Variants in DLC1 observed in about 807,000 individuals in gnomAD.
The protein encoded by DLC1 is DLC1 Rho GTPase activating protein, also known as rho GTPase-activating protein 7.
DLC1 carries 54 observed loss-of-function variants against 140.3 expected under a neutral mutation model. The ratio of observed to expected loss-of-function variants is 0.38; its 90% CI spans 0.31 to 0.48. The LOEUF (loss-of-function observed/expected upper bound fraction) is 0.48. DLC1 is among the 20% of genes least tolerant of loss of function. The pLI, the probability that DLC1 is intolerant of heterozygous loss-of-function variation, is 0.96. For missense variants in DLC1, 2,536 were observed against 1,907.0 expected, an observed-to-expected ratio of 1.33 and a Z score of -6.14; for synonymous variants, 986 against 728.1, an observed-to-expected ratio of 1.35 and a Z score of -5.70.
intron 2 of DLC1, among the ~76,000 whole-genome samples, chr8:13,448,090 A>C (rs1041599073): frequency 6.6e-6 from 1 of 152,188 alleles, no homozygotes. Flanking sequence ...TTTTGAGTGT[A>C]CTATAACTCA....
At chr8:13,585,990 T>C (rs1003011368) in intron 1 of DLC1, among the ~76,000 whole-genome samples, 3 of 152,162 alleles carry the variant, frequency 2.0e-5, no homozygotes, top group Admixed American at 2.0e-4. Flanking sequence ...TTTAGTGAAA[T>C]CATTGTAGAG....
intron 5 of DLC1, among the ~76,000 whole-genome samples, chr8:13,179,415 T>C (rs1243005160): frequency 2.0e-5 from 3 of 152,118 alleles, no homozygotes; most frequent in Non-Finnish European, 4.4e-5. Context: ...GCACTGTATA[T>C]ATATTTTTTA....
intron 4 of DLC1, among the ~76,000 whole-genome samples, chr8:13,309,890 G>A (rs893499139): frequency 1.3e-5 from 2 of 152,130 alleles, no homozygotes; most frequent in East Asian, 1.9e-4. Context: ...GATGACTTAG[G>A]AATATGCTTT....
chr8:13,597,126 T>C (rs1449499046), intron 1 of DLC1, among the ~76,000 whole-genome samples: 2 of 152,002 alleles, frequency 1.3e-5, no homozygotes, highest in Non-Finnish European at 2.9e-5. Context: ...TTTAATGCTA[T>C]TACGTTTGCA....
At chr8:13,120,008 C>G (rs1450611687) in intron 5 of DLC1, among the ~76,000 whole-genome samples, 1 of 150,974 alleles carries the variant, frequency 6.6e-6, no homozygotes, top group Non-Finnish European at 1.5e-5. Flanking sequence ...TACAAAAATG[C>G]AAGGTTCTTC....
At chr8:13,475,902 C>G (rs1175183851) in intron 2 of DLC1, among the ~76,000 whole-genome samples, 1 of 152,312 alleles carries the variant, frequency 6.6e-6, no homozygotes. Context: ...TGCCTTCACT[C>G]CCTTCAATCT....
At position 13,589,167 on chromosome 8, in the gene DLC1, A is replaced by G. The variant is rs531208253; in HGVS notation, c.-126+15370T>C. On this transcript the variant is annotated intron_variant, in intron 1 of 1. Transcript: ENST00000631382. ...ATTAGGCTATCCTTCATCTGTCCAA[A>G]CAACAGGCTGTCGTCAGTTTATACA... 4.7e-4 allele frequency among the ~76,000 whole-genome samples: 71 copies of G among 152,210 alleles called. 1 individual carries two copies. The South Asian group carries it at 0.011, about 24-fold the overall frequency.
At chr8:13,465,903 A>T (rs955913079) in intron 2 of DLC1, among the ~76,000 whole-genome samples, 2 of 152,086 alleles carry the variant, frequency 1.3e-5, no homozygotes, top group Non-Finnish European at 2.9e-5. Context: ...GGACTTTGTC[A>T]CCCTTGACAC....
chr8:13,490,835 A>G (rs1461357892), intron 2 of DLC1, among the ~76,000 whole-genome samples: 1 of 151,980 alleles, frequency 6.6e-6, no homozygotes, highest in African/African-American at 2.4e-5. Flanking sequence ...TGATCCTGTT[A>G]ACAGCTGATG....
intron 2 of DLC1, among the ~76,000 whole-genome samples, chr8:13,474,519 C>G (rs181676589): frequency 6.6e-6 from 1 of 152,116 alleles, no homozygotes; most frequent in Non-Finnish European, 1.5e-5. Context: ...TCCTCCAGAC[C>G]CCAGAATGGT....
chr8:13,538,591 G>T (rs1431641182), intron 1 of DLC1, among the ~76,000 whole-genome samples: 2 of 152,138 alleles, frequency 1.3e-5, no homozygotes, highest in Admixed American at 1.3e-4. Context: ...TACTCTATCT[G>T]GGTATGTGTG....
At chr8:13,584,897 A>G (rs62493206) in intron 1 of DLC1, among the ~76,000 whole-genome samples, 11,108 of 152,104 alleles carry the variant, frequency 0.073, 641 homozygotes, top group Admixed American at 0.18. Context: ...CCCACTGTCT[A>G]TTATTTTCCT....
intron 7 of DLC1, among the ~76,000 whole-genome samples, chr8:13,103,299 A>G (rs1819257906): frequency 6.7e-6 from 1 of 149,118 alleles, no homozygotes; most frequent in Non-Finnish European, 1.5e-5. Flanking sequence ...CGACAGAGTG[A>G]GACTCCTTCT....
intron 5 of DLC1, among the ~76,000 whole-genome samples, chr8:13,198,619 G>A (rs1287670128): frequency 6.6e-6 from 1 of 152,044 alleles, no homozygotes; most frequent in East Asian, 1.9e-4. Flanking sequence ...CTTCAAAATG[G>A]AAAATGTTGC....
At chr8:13,405,925 C>CTTTCT (rs1837516237) in intron 2 of DLC1, among the ~76,000 whole-genome samples, 4 of 68,700 alleles carry the variant, frequency 5.8e-5, no homozygotes, top group African/African-American at 2.2e-4. Context: ...TCTTTTCTTT[C>CTTTCT]TTTCTTTCTT....
intron 5 of DLC1, among the ~76,000 whole-genome samples, chr8:13,193,344 G>C (rs1826867108): frequency 6.6e-6 from 1 of 152,040 alleles, no homozygotes; most frequent in Non-Finnish European, 1.5e-5. Flanking sequence ...GTCGCTTTTT[G>C]AGTTAGGGGA....
At chr8:13,180,678 T>G (rs1326530038) in intron 5 of DLC1, among the ~76,000 whole-genome samples, 3 of 152,138 alleles carry the variant, frequency 2.0e-5, no homozygotes, top group Non-Finnish European at 1.5e-5. Flanking sequence ...TTCAACTTCT[T>G]TATTCATTGT....
chr8:13,374,021 A>G (rs905712762), intron 4 of DLC1, among the ~76,000 whole-genome samples: 4 of 152,218 alleles, frequency 2.6e-5, no homozygotes, highest in African/African-American at 7.2e-5. Flanking sequence ...ATAAAGCAGA[A>G]AAAGTGTGAA....
chr8:13,302,041 A>C (rs1377525064), intron 5 of DLC1, among the ~76,000 whole-genome samples: 1 of 152,246 alleles, frequency 6.6e-6, no homozygotes, highest in Non-Finnish European at 1.5e-5. Flanking sequence ...AATTATACAT[A>C]TCGATACTTG....
Sources: allele counts gnomAD v4.1 joint callset (sites outside exome capture counted in the v4.1 genomes callset), GRCh38; gene constraint gnomAD v4.1.1; transcripts MANE v1.5; gene names NCBI Gene and HGNC (gene_info 2026-07-23, HGNC 2026-07-21).